Variants in NT5C1B observed in about 807,000 individuals in gnomAD.
NT5C1B encodes 5'-nucleotidase, cytosolic IB.
A neutral mutation model predicts 57.8 loss-of-function variants in NT5C1B; 44 were observed. That is an observed-to-expected ratio of 0.76 (90% CI 0.60 to 0.98). The LOEUF is 0.98. NT5C1B is among the 50% of genes least tolerant of loss of function. The pLI is 0.00. For synonymous variants in NT5C1B, 284 were observed against 282.6 expected, an observed-to-expected ratio of 1.00 and a Z score of -0.05; for missense variants, 742 against 719.5, an observed-to-expected ratio of 1.03 and a Z score of -0.36.
intron 8 of NT5C1B, among the ~76,000 whole-genome samples, chr2:18,564,833 G>A (rs2148070695): frequency 6.6e-6 from 1 of 152,036 alleles, no homozygotes; most frequent in African/African-American, 2.4e-5. Context: ...TTTCTTCTTT[G>A]TAGTTGTGTG....
intron 6 of NT5C1B, among the ~76,000 whole-genome samples, chr2:18,581,964 C>T (rs1427466926): frequency 6.6e-6 from 1 of 152,170 alleles, no homozygotes; most frequent in East Asian, 1.9e-4. Context: ...ATGCTTCCAG[C>T]CTTGATAGGT....
At chr2:18,564,530 T>G (rs1664464685) in intron 8 of NT5C1B, among the ~76,000 whole-genome samples, 1 of 152,230 alleles carries the variant, frequency 6.6e-6, no homozygotes, top group East Asian at 1.9e-4. Flanking sequence ...GCATTTTAAC[T>G]TTATGAAGTA....
In NT5C1B at chr2:18,584,502, G is replaced by A. The variant is rs1475208734; in HGVS notation, c.723+12C>T. The A allele has an allele frequency of 6.2e-7, 1 of 1,604,220 alleles. No individual in the cohort carries two copies. The highest frequency in any genetic ancestry group is 1.1e-5 in the South Asian group (1 of 89,894). ...GGGCGCCCCGGCTGCCAGGGGCGGCGGGCTGGCTCACCGGCCAGGGGCGCG... is the reference window on the plus strand; with the variant it reads ...GGGCGCCCCGGCTGCCAGGGGCGGCAGGCTGGCTCACCGGCCAGGGGCGCG... On this transcript the variant is annotated intron_variant, in intron 4 of 8. Coordinates refer to ENST00000304081, the Ensembl canonical transcript of NT5C1B. The surrounding 1 kb of genome is among the most constrained non-coding windows in gnomAD (Gnocchi z 5.8).
chr2:18,586,988 G>A, intron 2 of NT5C1B: 2 of 1,614,140 alleles, frequency 1.2e-6, no homozygotes, highest in Non-Finnish European at 1.7e-6. Context: ...TGTGATCTCT[G>A]CTCACCCTCA....
At chr2:18,585,011 G>A (rs201909220) in intron 3 of NT5C1B, 33 bp from the exon 4 acceptor site, 2 of 1,578,494 alleles carry the variant, frequency 1.3e-6, no homozygotes, top group East Asian at 2.2e-5. Flanking sequence ...TGAAGTCGAG[G>A]CCTGCCTGCC....
intron 8 of NT5C1B, among the ~76,000 whole-genome samples, chr2:18,572,938 TCC>T (rs1398743681): frequency 1.3e-5 from 2 of 152,184 alleles, no homozygotes. Context: ...ACCTAGCAAT[TCC>T]ACTTCTAGGT....
chr2:18,579,882 A>G (rs1301960359), intron 6 of NT5C1B, among the ~76,000 whole-genome samples: 7 of 152,328 alleles, frequency 4.6e-5, no homozygotes, highest in East Asian at 1.9e-4. Context: ...TTTTCAAACT[A>G]TGCATTTAAC....
intron 1 of NT5C1B, among the ~76,000 whole-genome samples, chr2:18,588,299 C>G (rs1474410734): frequency 1.3e-5 from 2 of 152,160 alleles, no homozygotes; most frequent in Non-Finnish European, 2.9e-5. Flanking sequence ...TGAACTGTTT[C>G]ATGCTAAGTA....
chr2:18,573,060 A>T (rs955428415), intron 8 of NT5C1B, among the ~76,000 whole-genome samples: 11 of 148,380 alleles, frequency 7.4e-5, no homozygotes, highest in South Asian at 2.1e-4. Flanking sequence ...CTCCTTCAAC[A>T]GGTAAATGAA....
At chr2:18,585,442 A>G (rs1666612054) in intron 3 of NT5C1B, among the ~76,000 whole-genome samples, 1 of 152,104 alleles carries the variant, frequency 6.6e-6, no homozygotes, top group Non-Finnish European at 1.5e-5. Context: ...TCTCACCAGA[A>G]CACTCTACAT....
At chr2:18,565,840 G>A (rs757564680) in intron 8 of NT5C1B, among the ~76,000 whole-genome samples, 17 of 152,086 alleles carry the variant, frequency 1.1e-4, no homozygotes, top group Non-Finnish European at 1.5e-4. Context: ...TGATTTTAAA[G>A]TTTTTCTTCA....
intron 8 of NT5C1B, among the ~76,000 whole-genome samples, chr2:18,566,670 T>A (rs1664670253): frequency 6.6e-6 from 1 of 152,210 alleles, no homozygotes; most frequent in South Asian, 2.1e-4. Flanking sequence ...TCTCTTTTAC[T>A]TCTATATTGG....
Position 18,576,911 on chromosome 2 carries a change from A to G in NT5C1B, c.1022-16T>C. 1 of 1,613,168 alleles carries G rather than the reference A, an allele frequency of 6.2e-7. No individual in the cohort carries two copies. The highest frequency in any genetic ancestry group is 8.5e-7 in the Non-Finnish European group (1 of 1,179,600). On this transcript the variant is annotated splice_polypyrimidine_tract_variant and intron_variant, in intron 6 of 8. Transcript: ENST00000304081. ...ATCAGTAAGCCTATTATCAGGCAAGAAAGACTTTGTTATGACAGAGATTAA... is the reference window on the plus strand; with the variant it reads ...ATCAGTAAGCCTATTATCAGGCAAGGAAGACTTTGTTATGACAGAGATTAA...
At chr2:18,587,268 GC>G (rs1363580913) in intron 2 of NT5C1B, 3 of 1,499,280 alleles carry the variant, frequency 2.0e-6, no homozygotes, top group Non-Finnish European at 2.7e-6. Flanking sequence ...TGTAGGCTGA[GC>G]AGAGGAGCCT....
intron 5 of NT5C1B, chr2:18,583,884 TA>T (rs759523908): frequency 2.7e-5 from 22 of 819,368 alleles, no homozygotes; most frequent in Non-Finnish European, 4.4e-5. Flanking sequence ...ATACCAAATC[TA>T]GGGCTGTGGG....
chr2:18,569,906 C>A (rs1664995805), intron 8 of NT5C1B, among the ~76,000 whole-genome samples: 3 of 152,036 alleles, frequency 2.0e-5, no homozygotes, highest in Admixed American at 2.0e-4. Context: ...ACAGAATATT[C>A]TTTTCAAATA....
At chr2:18,569,138 T>TA (rs1664921060) in intron 8 of NT5C1B, among the ~76,000 whole-genome samples, 1 of 152,190 alleles carries the variant, frequency 6.6e-6, no homozygotes, top group Non-Finnish European at 1.5e-5. Flanking sequence ...GCAAGGTTCT[T>TA]ACAGTACATA....
At chr2:18,564,216 A>T (rs775779949) in intron 8 of NT5C1B, 97 bp from the exon 9 acceptor site, 85 of 1,334,560 alleles carry the variant, frequency 6.4e-5, no homozygotes, top group Non-Finnish European at 8.3e-5. Flanking sequence ...AATACAAAGG[A>T]TATAATACAG....
chr2:18,587,009 C>G, intron 2 of NT5C1B: 1 of 1,614,226 alleles, frequency 6.2e-7, no homozygotes, highest in East Asian at 2.2e-5. Context: ...TCATGGTGAT[C>G]TGCTGGCCCT....
Sources: gnomAD v4.1 joint callset for allele counts (sites outside exome capture counted in the v4.1 genomes callset) on GRCh38, gnomAD v4.1.1 for gene constraint, Gnocchi (gnomAD v3.1) non-coding constraint, MANE v1.5 for transcripts, NCBI Gene and HGNC (gene_info 2026-07-23, HGNC 2026-07-21) for gene names.